The following RPH3A variants were observed in gnomAD, a reference collection of about 807,000 sequenced individuals.
The protein encoded by RPH3A is rabphilin-3A.
Under a neutral mutation model 102.2 loss-of-function variants are expected in RPH3A, and 48 were observed. The ratio of observed to expected loss-of-function variants is 0.47; its 90% confidence interval spans 0.37 to 0.60. The LOEUF (loss-of-function observed/expected upper bound fraction) is 0.60. RPH3A is among the 20% of genes least tolerant of loss of function. RPH3A has a pLI of 0.00. For missense variants in RPH3A, 781 were observed against 910.1 expected, an observed-to-expected ratio of 0.86 and a Z score of 1.83; for synonymous variants, 310 against 324.3, an observed-to-expected ratio of 0.96 and a Z score of 0.47.
chr12:112,775,762 G>C (rs941980332), intron 1 of RPH3A, among the ~76,000 whole-genome samples: 2 of 152,098 alleles, frequency 1.3e-5, no homozygotes, highest in African/African-American at 4.8e-5. Flanking sequence ...CCAGCTAAAA[G>C]ATAAAGATAA....
chr12:112,612,530 GTGTC>G (rs1366837938), intron 1 of RPH3A, among the ~76,000 whole-genome samples: 3 of 150,018 alleles, frequency 2.0e-5, no homozygotes, highest in Non-Finnish European at 3.0e-5. Flanking sequence ...CCTAGGAAGA[GTGTC>G]TGGGCCCTAA....
intron 4 of RPH3A, among the ~76,000 whole-genome samples, chr12:112,838,890 A>C (rs1003188326): frequency 6.6e-6 from 1 of 152,114 alleles, no homozygotes; most frequent in Non-Finnish European, 1.5e-5. Flanking sequence ...CTCGGGGTCC[A>C]CCAATGCTGG....
At chr12:112,778,435 A>G (rs2040983459) in intron 1 of RPH3A, among the ~76,000 whole-genome samples, 1 of 152,238 alleles carries the variant, frequency 6.6e-6, no homozygotes, top group Non-Finnish European at 1.5e-5. Context: ...TTGTAGTTCC[A>G]GAAGCCATAA....
At chr12:112,781,125 A>C (rs966238634) in intron 1 of RPH3A, among the ~76,000 whole-genome samples, 1 of 152,186 alleles carries the variant, frequency 6.6e-6, no homozygotes, top group Admixed American at 6.5e-5. Flanking sequence ...ATGCCATTGC[A>C]CTCCAGCCTG....
At chr12:112,641,459 C>T (rs2039889758) in intron 1 of RPH3A, among the ~76,000 whole-genome samples, 1 of 152,168 alleles carries the variant, frequency 6.6e-6, no homozygotes. Flanking sequence ...TGCAGTGGTG[C>T]ATTCTTGGCT....
intron 1 of RPH3A, among the ~76,000 whole-genome samples, chr12:112,676,241 A>G (rs2040173362): frequency 6.6e-6 from 1 of 152,004 alleles, no homozygotes; most frequent in Admixed American, 6.6e-5. Flanking sequence ...GAGGGTAGAC[A>G]GGGGTCCCAG....
intron 1 of RPH3A, among the ~76,000 whole-genome samples, chr12:112,602,273 GTGCCTTTCTAACAAAGCCCTC>G (rs1323235510): frequency 6.6e-6 from 1 of 151,874 alleles, no homozygotes; most frequent in Non-Finnish European, 1.5e-5. Context: ...CTCCTTCATG[GTGCCTTTCTAACAAAGCCCTC>G]TGCCTTTCTA....
At chr12:112,741,883 G>A (rs992037193) in intron 1 of RPH3A, among the ~76,000 whole-genome samples, 9 of 152,170 alleles carry the variant, frequency 5.9e-5, no homozygotes, top group African/African-American at 1.7e-4. Flanking sequence ...GTTAGCGATT[G>A]TGCCTCTATA....
rs2040948924 is a variant in RPH3A at position 112,774,215 on chromosome 12, T to C, written c.-139-17928T>C. ...ATATATAGAGAGGTATATCTATGTA[T>C]GTATATGTACAGAGATAGATATTTT... is the stretch of plus-strand genomic sequence containing the variant. On this transcript the variant is annotated intron_variant, in intron 1 of 21. Coordinates refer to the RPH3A transcript ENST00000543106. Among the ~76,000 whole-genome samples the C allele has an allele frequency of 1.3e-5, 2 of 152,216 alleles. 1 individual carries two copies. Among genetic ancestry groups the C allele is most frequent in the South Asian group, 4.1e-4 (2 of 4,834 alleles).
chr12:112,759,816 T>A (rs561098948), intron 1 of RPH3A, among the ~76,000 whole-genome samples: 6 of 152,128 alleles, frequency 3.9e-5, no homozygotes, highest in Non-Finnish European at 8.8e-5. Context: ...GGTGCGTATG[T>A]CCTTCTGCTC....
chr12:112,839,492 C>T (rs2042107908), intron 4 of RPH3A, among the ~76,000 whole-genome samples: 1 of 152,254 alleles, frequency 6.6e-6, no homozygotes, highest in African/African-American at 2.4e-5. Context: ...ATGCCAGTGG[C>T]TGGAATGATA....
intron 1 of RPH3A, among the ~76,000 whole-genome samples, chr12:112,783,691 C>T (rs1464655420): frequency 6.6e-6 from 1 of 152,136 alleles, no homozygotes; most frequent in Admixed American, 6.5e-5. Context: ...TTATTAGTAT[C>T]CTCATTTTAC....
chr12:112,771,438 C>T (rs187055233), intron 1 of RPH3A, among the ~76,000 whole-genome samples: 8 of 152,292 alleles, frequency 5.3e-5, no homozygotes, highest in Admixed American at 3.9e-4. Flanking sequence ...AAAGATGTTC[C>T]ATAATTCATT....
At chr12:112,730,478 T>C (rs1189889339) in intron 1 of RPH3A, among the ~76,000 whole-genome samples, 1 of 152,186 alleles carries the variant, frequency 6.6e-6, no homozygotes, top group South Asian at 2.1e-4. Context: ...CTTGGCCATG[T>C]CAGCCCAATG....
At chr12:112,656,963 T>A (rs1196599751) in intron 1 of RPH3A, among the ~76,000 whole-genome samples, 3 of 152,136 alleles carry the variant, frequency 2.0e-5, no homozygotes, top group Admixed American at 2.0e-4. Flanking sequence ...GGGGTAGATA[T>A]CCAGTAGTGG....
At chr12:112,740,465 T>C (rs2040700904) in intron 1 of RPH3A, among the ~76,000 whole-genome samples, 1 of 152,170 alleles carries the variant, frequency 6.6e-6, no homozygotes, top group East Asian at 1.9e-4. Flanking sequence ...CTAACAGCTT[T>C]TGCCCTTCTC....
At chr12:112,874,799 G>A (rs1455742606) in intron 10 of RPH3A, 2 of 393,544 alleles carry the variant, frequency 5.1e-6, no homozygotes, top group Non-Finnish European at 9.2e-6. Flanking sequence ...GGAAACTGAG[G>A]CCCAGAGAGG....
intron 3 of RPH3A, chr12:112,831,910 T>A: frequency 2.4e-6 from 1 of 417,562 alleles, no homozygotes; most frequent in Non-Finnish European, 4.8e-6. Context: ...GTATTTCTTA[T>A]TGCTTTTTTC....
At chr12:112,887,987 G>A in intron 17 of RPH3A, 64 bp downstream of exon 17, 1 of 1,582,144 alleles carries the variant, frequency 6.3e-7, no homozygotes, top group Non-Finnish European at 8.6e-7. Context: ...GCCTTCCTCT[G>A]GGTCTGAATT....
Sources: gnomAD v4.1 joint callset for allele counts (sites outside exome capture counted in the v4.1 genomes callset) on GRCh38, gnomAD v4.1.1 for gene constraint, MANE v1.5 for transcripts, NCBI Gene and HGNC (gene_info 2026-07-23, HGNC 2026-07-21) for gene names.